TMEM135: variants seen among roughly 807,000 people sequenced by gnomAD.
TMEM135 encodes peroxisomal membrane protein 52.
A neutral mutation model predicts 60.3 loss-of-function variants in TMEM135; 30 were observed. The observed-to-expected ratio is 0.50, with a 90% confidence interval of 0.37 to 0.68. The LOEUF is 0.68. TMEM135 is among the 30% of genes least tolerant of loss of function. The pLI, the probability that TMEM135 is intolerant of heterozygous loss-of-function variation, is 0.00. For missense variants in TMEM135, 468 were observed against 548.8 expected, an observed-to-expected ratio of 0.85 and a Z score of 1.47; for synonymous variants, 190 against 186.7, an observed-to-expected ratio of 1.02 and a Z score of -0.14.
chr11:87,295,509 G>T (rs1322335392), intron 6 of TMEM135, among the ~76,000 whole-genome samples: 1 of 152,128 alleles, frequency 6.6e-6, no homozygotes, highest in Non-Finnish European at 1.5e-5. Context: ...AGTCCAGATG[G>T]AGCCCTTAGA....
chr11:87,293,652 C>T (rs1942303662), intron 6 of TMEM135, among the ~76,000 whole-genome samples: 1 of 152,132 alleles, frequency 6.6e-6, no homozygotes, highest in African/African-American at 2.4e-5. Flanking sequence ...AGGATTATGG[C>T]TTCCAGCTTC....
At chr11:87,185,329 A>G (rs894495821) in intron 5 of TMEM135, among the ~76,000 whole-genome samples, 1 of 152,112 alleles carries the variant, frequency 6.6e-6, no homozygotes, top group Admixed American at 6.5e-5. Context: ...ATTTATTTGA[A>G]TTGGTTGGTT....
intron 5 of TMEM135, among the ~76,000 whole-genome samples, chr11:87,201,970 G>A (rs1940104489): frequency 9.5e-6 from 1 of 105,392 alleles, no homozygotes; most frequent in Non-Finnish European, 1.8e-5. Flanking sequence ...GTTATGTTAT[G>A]TTATGTTATG....
intron 5 of TMEM135, chr11:87,178,465 T>A (rs1050813943): frequency 2.2e-6 from 1 of 456,230 alleles, no homozygotes. Flanking sequence ...AGATGGAGTC[T>A]CACTGTCTTC....
intron 10 of TMEM135, among the ~76,000 whole-genome samples, chr11:87,311,664 G>A (rs1418096446): frequency 6.6e-6 from 1 of 151,856 alleles, no homozygotes; most frequent in Admixed American, 6.6e-5. Context: ...AAATACAACC[G>A]GGTCAGAAAA....
intron 6 of TMEM135, among the ~76,000 whole-genome samples, chr11:87,244,817 A>T (rs1941222841): frequency 6.8e-6 from 1 of 146,584 alleles, no homozygotes; most frequent in African/African-American, 2.5e-5. Context: ...GGATTCATTA[A>T]TTTTTTGAAG....
chr11:87,081,125 G>T (rs1009544622), intron 3 of TMEM135, among the ~76,000 whole-genome samples: 2 of 151,712 alleles, frequency 1.3e-5, no homozygotes, highest in Non-Finnish European at 2.9e-5. Context: ...ATACAGTGGG[G>T]TCTTATTTTT....
At chr11:87,303,706 A>G (rs1942486768) in intron 8 of TMEM135, among the ~76,000 whole-genome samples, 1 of 152,258 alleles carries the variant, frequency 6.6e-6, no homozygotes, top group Non-Finnish European at 1.5e-5. Context: ...TAATACATCT[A>G]GAAGATAACA....
chr11:87,085,936 A>G (rs565551170), intron 3 of TMEM135, among the ~76,000 whole-genome samples: 56 of 152,266 alleles, frequency 3.7e-4, no homozygotes, highest in African/African-American at 1.2e-3. Flanking sequence ...TTGGTCTTCA[A>G]TAGAGTAAGG....
chr11:87,039,512 A>C (rs1329078033), intron 1 of TMEM135, among the ~76,000 whole-genome samples: 1 of 152,174 alleles, frequency 6.6e-6, no homozygotes, highest in Non-Finnish European at 1.5e-5. Flanking sequence ...TCTTTGGCAA[A>C]GATTCATGTT....
At chr11:87,285,368 C>CG (rs1479406397) in intron 6 of TMEM135, among the ~76,000 whole-genome samples, 3 of 152,102 alleles carry the variant, frequency 2.0e-5, no homozygotes, top group African/African-American at 7.2e-5. Flanking sequence ...CAGACCCTCG[C>CG]GGTGAGTGTT....
chr11:87,168,437 C>T (rs978007175), intron 5 of TMEM135, among the ~76,000 whole-genome samples: 4 of 152,084 alleles, frequency 2.6e-5, no homozygotes, highest in African/African-American at 9.7e-5. Flanking sequence ...CTTCTGTGGG[C>T]ATTTGGTGCT....
At chr11:87,252,766 A>C (rs3936715) in intron 6 of TMEM135, among the ~76,000 whole-genome samples, 93,367 of 142,096 alleles carry the variant, frequency 0.66, 31,327 homozygotes, top group Non-Finnish European at 0.71. Context: ...AGCAGAACTA[A>C]ATCTCAAAAA....
In TMEM135 at chr11:87,319,310, G is replaced by A; in HGVS notation, c.1177G>A (p.Ala393Thr). Residue 393 changes from alanine (A) to threonine (T), a missense_variant and splice_region_variant, in exon 14 of 15, where the codon GCT becomes ACT. Coordinates refer to ENST00000305494, the MANE Select transcript of TMEM135 (RefSeq NM_022918.4). ...AAGAATTCTCAAATTTAATACTCAG[G>A]CTGTCATGGAAGTTCAGACTTTGAG... The part of the protein sequence containing the change: ...SISTAICFQA[A>T]VMEVQTLRPS... 2 of 1,611,418 alleles carry A rather than the reference G, an allele frequency of 1.2e-6. No individual in the cohort carries two copies. Among genetic ancestry groups the A allele is most frequent in the Non-Finnish European group, 1.7e-6 (2 of 1,177,912 alleles).
intron 1 of TMEM135, among the ~76,000 whole-genome samples, chr11:87,058,940 A>G (rs1443897484): frequency 1.3e-5 from 2 of 150,032 alleles, no homozygotes; most frequent in African/African-American, 2.5e-5. Context: ...TTTTAATTTA[A>G]TTTTTTTGTT....
chr11:87,280,508 A>T (rs1313714156), intron 6 of TMEM135, among the ~76,000 whole-genome samples: 2 of 152,044 alleles, frequency 1.3e-5, no homozygotes, highest in Non-Finnish European at 2.9e-5. Flanking sequence ...TCTAAGTCTT[A>T]TATGTATTTT....
At chr11:87,053,700 G>C (rs1949864215) in intron 1 of TMEM135, among the ~76,000 whole-genome samples, 1 of 152,144 alleles carries the variant, frequency 6.6e-6, no homozygotes, top group Admixed American at 6.5e-5. Flanking sequence ...AGTGGTTGAT[G>C]CTTTGATGAT....
At chr11:87,307,931 T>G (rs557880518) in intron 9 of TMEM135, among the ~76,000 whole-genome samples, 3 of 152,342 alleles carry the variant, frequency 2.0e-5, no homozygotes, top group African/African-American at 7.2e-5. Flanking sequence ...GTCTGAGCTG[T>G]CTGAAATGTT....
At chr11:87,170,065 C>T (rs1591074310) in intron 5 of TMEM135, among the ~76,000 whole-genome samples, 1 of 151,824 alleles carries the variant, frequency 6.6e-6, no homozygotes, top group East Asian at 1.9e-4. Flanking sequence ...CCTTTTTCCA[C>T]TTGATCAGTT....
Sources: allele counts gnomAD v4.1 joint callset (sites outside exome capture counted in the v4.1 genomes callset), GRCh38; gene constraint gnomAD v4.1.1; transcripts MANE v1.5; gene names NCBI Gene and HGNC (gene_info 2026-07-23, HGNC 2026-07-21).